The following POLK variants were observed in gnomAD, a reference collection of about 807,000 sequenced individuals.
POLK encodes the protein DNA polymerase kappa.
POLK carries 76 observed loss-of-function variants against 94.0 expected under a neutral mutation model. That is an observed-to-expected ratio of 0.81 (90% confidence interval 0.67 to 0.98). The LOEUF is 0.98. POLK is among the 50% of genes least tolerant of loss of function. The pLI is 0.00. For synonymous variants in POLK, 349 were observed against 325.4 expected (o/e 1.07, Z -0.78); for missense variants, 954 against 1,010.1 (o/e 0.94, Z 0.75).
At chr5:75,557,506 T>C (rs982228401) in intron 3 of POLK, among the ~76,000 whole-genome samples, 1 of 152,110 alleles carries the variant, frequency 6.6e-6, no homozygotes, top group Middle Eastern at 3.2e-3. Flanking sequence ...TACAATGGAG[T>C]TACATTTGGA....
intron 9 of POLK, among the ~76,000 whole-genome samples, chr5:75,586,409 C>T (rs890632851): frequency 2.0e-5 from 3 of 152,152 alleles, no homozygotes; most frequent in African/African-American, 4.8e-5. Context: ...TAGAACAGTG[C>T]TTGAATCATA....
At chr5:75,537,928 C>G (rs1407261649) in intron 1 of POLK, among the ~76,000 whole-genome samples, 2 of 151,968 alleles carry the variant, frequency 1.3e-5, no homozygotes, top group African/African-American at 4.8e-5. Context: ...GCAATCTCGG[C>G]TCACTGCAAG....
intron 5 of POLK, among the ~76,000 whole-genome samples, chr5:75,575,825 T>C (rs1581059978): frequency 6.6e-6 from 1 of 152,176 alleles, no homozygotes; most frequent in Non-Finnish European, 1.5e-5. Flanking sequence ...TTTGTTTTTA[T>C]AAAAGAAGAA....
chr5:75,572,568 T>C (rs2112777219), intron 4 of POLK, among the ~76,000 whole-genome samples: 1 of 152,306 alleles, frequency 6.6e-6, no homozygotes, highest in East Asian at 1.9e-4. Flanking sequence ...CATAACTCAC[T>C]ATCATCCAAA....
Position 75,534,428 on chromosome 5 carries a change from T to G in POLK, c.-13-12582T>G, listed in dbSNP as rs75349113. Among the ~76,000 whole-genome samples the G allele has an allele frequency of 2.1e-3, 313 of 152,254 alleles. 1 individual carries two copies. The East Asian group carries it at 0.027, about 13-fold the overall frequency. Reference sequence around the variant, plus strand: ...CCATATTCAGGGATGATGAGTTTGGTTCTTTCATATAATGGCATTTGGTCT... The same window carrying G: ...CCATATTCAGGGATGATGAGTTTGGGTCTTTCATATAATGGCATTTGGTCT... On this transcript the variant is annotated intron_variant, in intron 1 of 14. Transcript: ENST00000241436.
At chr5:75,602,032 A>C (rs1773306959), downstream of POLK, among the ~76,000 whole-genome samples, 2 of 152,078 alleles carry the variant, frequency 1.3e-5, no homozygotes, top group South Asian at 4.1e-4. Context: ...GCAGTACCCT[A>C]TTTCTGTATC....
chr5:75,570,483 TAAA>T (rs1245438749), intron 4 of POLK, among the ~76,000 whole-genome samples: 1 of 152,200 alleles, frequency 6.6e-6, no homozygotes, highest in Non-Finnish European at 1.5e-5. Context: ...CTGCAAAGCC[TAAA>T]ATGATTACTA....
At chr5:75,519,221 C>G (rs903946871) in intron 1 of POLK, among the ~76,000 whole-genome samples, 3 of 152,170 alleles carry the variant, frequency 2.0e-5, no homozygotes, top group African/African-American at 7.2e-5. Flanking sequence ...TTAATGATTT[C>G]AAGTTTTATT....
chr5:75,608,053 T>A, the POLK span, among the ~76,000 whole-genome samples: 1 of 152,084 alleles, frequency 6.6e-6, no homozygotes, highest in Admixed American at 6.5e-5. Flanking sequence ...GTCTAGACCT[T>A]TAGGGGAAAA....
At chr5:75,605,730 G>C (rs192820510), downstream of POLK, among the ~76,000 whole-genome samples, 98 of 152,272 alleles carry the variant, frequency 6.4e-4, no homozygotes, top group Middle Eastern at 3.4e-3. Flanking sequence ...ACCTAAGATA[G>C]GGAGTCTAAC....
chr5:75,592,563 C>T (rs1772842886), intron 11 of POLK, among the ~76,000 whole-genome samples: 1 of 151,748 alleles, frequency 6.6e-6, no homozygotes, highest in African/African-American at 2.4e-5. Flanking sequence ...AAAATGGTGG[C>T]GGGCACCTGT....
chr5:75,515,510 A>G (rs934618160), intron 1 of POLK, among the ~76,000 whole-genome samples: 10 of 152,316 alleles, frequency 6.6e-5, no homozygotes, highest in Admixed American at 1.3e-4. Context: ...TTCTTTATCC[A>G]TTCATCCATT....
At chr5:75,581,078 G>C (rs1772169366) in intron 6 of POLK, 131 bp from the exon 7 acceptor site, 1 of 616,252 alleles carries the variant, frequency 1.6e-6, no homozygotes, top group Non-Finnish European at 2.8e-6. Flanking sequence ...TGGCATTTCT[G>C]ATCTTGGATC....
intron 1 of POLK, among the ~76,000 whole-genome samples, chr5:75,542,922 A>G (rs1769822559): frequency 6.7e-6 from 1 of 149,998 alleles, no homozygotes; most frequent in Middle Eastern, 3.6e-3. Context: ...CATATTGGCC[A>G]GGCTGGTCTC....
At chr5:75,541,399 C>T (rs1769735248) in intron 1 of POLK, among the ~76,000 whole-genome samples, 1 of 152,084 alleles carries the variant, frequency 6.6e-6, no homozygotes, top group South Asian at 2.1e-4. Flanking sequence ...ATTATTCATC[C>T]TGTCGAAAGA....
At chr5:75,562,889 A>G (rs569105140) in intron 3 of POLK, among the ~76,000 whole-genome samples, 1 of 152,254 alleles carries the variant, frequency 6.6e-6, no homozygotes, top group South Asian at 2.1e-4. Context: ...AAGCTTTTTA[A>G]TGTACTGCTG....
chr5:75,581,085 GATCCTAGA>G, intron 6 of POLK, 116 bp from the exon 7 acceptor site: 1 of 626,884 alleles, frequency 1.6e-6, no homozygotes, highest in Non-Finnish European at 2.8e-6. Flanking sequence ...TCTGATCTTG[GATCCTAGA>G]AACTAAACTA....
At chr5:75,600,594 A>AT (rs1421771830) in exon 15 of POLK, 1 of 152,160 alleles carries the variant, frequency 6.6e-6, no homozygotes, top group Non-Finnish European at 1.5e-5. Flanking sequence ...CAAGAAAAAA[A>AT]TTTTTTAATG....
intron 10 of POLK, among the ~76,000 whole-genome samples, chr5:75,587,457 T>C (rs1427684022): frequency 1.3e-5 from 2 of 152,162 alleles, no homozygotes; most frequent in Non-Finnish European, 2.9e-5. Flanking sequence ...CAGTAAAATA[T>C]TACTGATAAA....
Sources: allele counts gnomAD v4.1 joint callset (sites outside exome capture counted in the v4.1 genomes callset), GRCh38; gene constraint gnomAD v4.1.1; transcripts MANE v1.5; gene names NCBI Gene and HGNC (gene_info 2026-07-23, HGNC 2026-07-21).